BMP7: variants seen among roughly 807,000 people sequenced by gnomAD.
BMP7 encodes the protein osteogenic protein 1.
A neutral mutation model predicts 41.2 loss-of-function variants in BMP7; 12 were observed. The ratio of observed to expected loss-of-function variants is 0.29; its 90% CI spans 0.19 to 0.47. BMP7 has a LOEUF of 0.47. Ranked by LOEUF, BMP7 falls within the 20% of genes least tolerant of loss-of-function variation. The pLI, the probability that BMP7 is intolerant of heterozygous loss-of-function variation, is 0.99. For synonymous variants in BMP7, 248 were observed against 250.0 expected, an observed-to-expected ratio of 0.99 and a Z score of 0.07; for missense variants, 467 against 606.0, an observed-to-expected ratio of 0.77 and a Z score of 2.41.
chr20:57,233,609 C>G (rs1057294002), intron 1 of BMP7, among the ~76,000 whole-genome samples: 1 of 152,212 alleles, frequency 6.6e-6, no homozygotes, highest in East Asian at 1.9e-4. Context: ...GGGAGTCACA[C>G]CTGCCCCCGG....
intron 3 of BMP7, among the ~76,000 whole-genome samples, 172 bp downstream of exon 3, chr20:57,202,303 A>C (rs1984638895): frequency 6.6e-6 from 1 of 151,942 alleles, no homozygotes; most frequent in Non-Finnish European, 1.5e-5. Context: ...TCTTCTTGTG[A>C]AAAGAGGGGA....
chr20:57,202,363 G>T, intron 3 of BMP7, 112 bp downstream of exon 3: 1 of 1,405,806 alleles, frequency 7.1e-7, no homozygotes, highest in Non-Finnish European at 9.7e-7. Flanking sequence ...AGTACTGGTT[G>T]GGAGGGGCGG....
At chr20:57,253,604 T>G (rs1004193359) in intron 1 of BMP7, among the ~76,000 whole-genome samples, 4 of 152,084 alleles carry the variant, frequency 2.6e-5, no homozygotes, top group Non-Finnish European at 5.9e-5. Flanking sequence ...CTGAACAGGC[T>G]CTAGGACTGG....
intron 2 of BMP7, among the ~76,000 whole-genome samples, chr20:57,226,515 A>C (rs1369557932): frequency 2.0e-5 from 3 of 152,230 alleles, no homozygotes; most frequent in Non-Finnish European, 4.4e-5. Flanking sequence ...CAGCGTGCAC[A>C]CGTGAAACAC....
intron 3 of BMP7, among the ~76,000 whole-genome samples, chr20:57,184,808 C>T (rs1050620416): frequency 3.3e-5 from 5 of 152,166 alleles, no homozygotes; most frequent in African/African-American, 9.7e-5. Context: ...CCAAAGATTG[C>T]CAGGAGCCTC....
intron 2 of BMP7, among the ~76,000 whole-genome samples, chr20:57,209,252 TATATATATATATATA>T (rs1984820728): frequency 3.2e-5 from 2 of 62,996 alleles, no homozygotes; most frequent in African/African-American, 3.5e-4. Flanking sequence ...TATATTTTTA[TATATATATATATATA>T]TATATATATA....
intron 3 of BMP7, among the ~76,000 whole-genome samples, chr20:57,202,174 T>C (rs1984635745): frequency 6.6e-6 from 1 of 152,268 alleles, no homozygotes; most frequent in Non-Finnish European, 1.5e-5. Context: ...ATGCAGCAGG[T>C]CTGGGGTGGG....
chr20:57,265,911 TGCGGGC>T lies in BMP7; in HGVS notation c.206_211del (p.Arg69_Pro70del). 6.3e-7 allele frequency: 1 copy of T among 1,579,662 alleles called. No individual in the cohort carries two copies. Among genetic ancestry groups the T allele is most frequent in the Non-Finnish European group, 8.6e-7 (1 of 1,162,502 alleles). On this transcript the variant is annotated inframe_deletion, in exon 1 of 7. Coordinates refer to ENST00000395863, the MANE Select transcript of BMP7 (RefSeq NM_001719.3). Reference sequence around the variant, plus strand: ...TGCCGAGTTGTGCTTGCCCTGGAGGTGCGGGCGCGGGCGGTGGGGCAAGCCCAAAAT... The same window carrying T: ...TGCCGAGTTGTGCTTGCCCTGGAGGTGCGGGCGGTGGGGCAAGCCCAAAAT...
chr20:57,191,018 A>G (rs1026669438), intron 3 of BMP7, among the ~76,000 whole-genome samples: 4 of 152,128 alleles, frequency 2.6e-5, no homozygotes, highest in African/African-American at 9.7e-5. Flanking sequence ...ACATTGCTAC[A>G]TGTCCCCTGG....
At chr20:57,191,639 A>T (rs1195938240) in intron 3 of BMP7, among the ~76,000 whole-genome samples, 3 of 151,458 alleles carry the variant, frequency 2.0e-5, no homozygotes, top group African/African-American at 7.3e-5. Flanking sequence ...CTGAGGCACA[A>T]GAATCGCTTG....
At position 57,217,613 on chromosome 20, in the gene BMP7, TC is replaced by T. The variant is rs1985063817; in HGVS notation, c.611+10615del. ...AGACGGAGCGATAGTGGGAGAGGAC[TC>T]TGCATCAACTCCCTCCAAACGCTGG... On this transcript the variant is annotated intron_variant, in intron 2 of 6. Transcript: ENST00000395863. Among the ~76,000 whole-genome samples the T allele has an allele frequency of 2.6e-5, 4 of 152,266 alleles. No homozygotes were observed. The South Asian group carries it at 8.3e-4, about 32-fold the overall frequency.
At chr20:57,219,863 C>A (rs1471378156) in intron 2 of BMP7, among the ~76,000 whole-genome samples, 1 of 152,240 alleles carries the variant, frequency 6.6e-6, no homozygotes, top group East Asian at 1.9e-4. Context: ...ACTCTCACAG[C>A]CACACAATCC....
chr20:57,218,576 G>A (rs1195471755), intron 2 of BMP7, among the ~76,000 whole-genome samples: 1 of 151,314 alleles, frequency 6.6e-6, no homozygotes, highest in Non-Finnish European at 1.5e-5. Context: ...CTGGTGTTTG[G>A]TAGTAGCTGG....
intron 3 of BMP7, among the ~76,000 whole-genome samples, chr20:57,191,206 C>A (rs1476092817): frequency 6.6e-6 from 1 of 152,310 alleles, no homozygotes; most frequent in East Asian, 1.9e-4. Flanking sequence ...CATCATGAAG[C>A]ATCAACCAGT....
chr20:57,246,170 T>A lies in BMP7; in HGVS notation c.419-17749A>T, dbSNP rs760604105. 5.9e-5 allele frequency among the ~76,000 whole-genome samples: 9 copies of A among 152,252 alleles called. No individual in the cohort carries two copies. The East Asian group carries it at 1.2e-3, about 20-fold the overall frequency. On this transcript the variant is annotated intron_variant, in intron 1 of 6. Coordinates refer to ENST00000395863, the MANE Select transcript of BMP7 (RefSeq NM_001719.3). ...TGTGCTGTTCTGCACACGTTACACC[T>A]CAATAAGCAGTTTCATTAAAACTCA...
intron 1 of BMP7, among the ~76,000 whole-genome samples, chr20:57,234,074 T>C (rs546452401): frequency 2.4e-4 from 36 of 152,050 alleles, no homozygotes; most frequent in African/African-American, 8.4e-4. Context: ...CTTGCCCATG[T>C]CCCCCCACCC....
At chr20:57,253,627 CA>C (rs2123144931) in intron 1 of BMP7, among the ~76,000 whole-genome samples, 1 of 152,286 alleles carries the variant, frequency 6.6e-6, no homozygotes, top group African/African-American at 2.4e-5. Flanking sequence ...CTCCTGCCCC[CA>C]GCCTTGGAAA....
chr20:57,256,520 G>A (rs1600646451), intron 1 of BMP7, among the ~76,000 whole-genome samples: 2 of 152,158 alleles, frequency 1.3e-5, no homozygotes, highest in Admixed American at 1.3e-4. Context: ...CATGAAATGT[G>A]AGCAGAAGCT....
chr20:57,259,255 G>T lies in BMP7; in HGVS notation c.418+6450C>A, dbSNP rs955976224. 6.6e-6 allele frequency among the ~76,000 whole-genome samples: 1 copy of T among 151,992 alleles called. No individual in the cohort carries two copies. Among genetic ancestry groups the T allele is most frequent in the African/African-American group, 2.4e-5 (1 of 41,370 alleles). On this transcript the variant is annotated intron_variant, in intron 1 of 6. Transcript: ENST00000395863. The surrounding 1 kb of genome is among the most constrained non-coding windows in gnomAD (Gnocchi z 4.7). Reference sequence around the variant, plus strand: ...ACCCAGAATTAGCTGCAAAGTGTCAGGAGACTTGGCCAGGCAGCCCCAAGC... The same window carrying T: ...ACCCAGAATTAGCTGCAAAGTGTCATGAGACTTGGCCAGGCAGCCCCAAGC...
Sources: allele counts gnomAD v4.1 joint callset (sites outside exome capture counted in the v4.1 genomes callset), GRCh38; gene constraint gnomAD v4.1.1; non-coding constraint Gnocchi (gnomAD v3.1); transcripts MANE v1.5; gene names NCBI Gene and HGNC (gene_info 2026-07-23, HGNC 2026-07-21).